Variants in RUSC1 observed in about 807,000 individuals in gnomAD.
RUSC1 encodes AP-4 complex accessory subunit RUSC1.
A neutral mutation model predicts 72.1 loss-of-function variants in RUSC1; 40 were observed. That is an observed-to-expected ratio of 0.55 (90% confidence interval 0.43 to 0.72). The LOEUF (loss-of-function observed/expected upper bound fraction) is 0.72. Among genes scored for constraint, RUSC1 ranks in the 30% least tolerant of loss-of-function variants. RUSC1 has a pLI of 0.00. For missense variants in RUSC1, 1,092 were observed against 1,172.3 expected (o/e 0.93, Z 1.00); for synonymous variants, 512 against 494.2 (o/e 1.04, Z -0.48).
intron 2 of RUSC1, chr1:155,324,491 C>G (rs1018952495): frequency 2.1e-5 from 34 of 1,606,370 alleles, no homozygotes; most frequent in Non-Finnish European, 2.8e-5. Flanking sequence ...CTACACCTCC[C>G]TCCCCGCGCC....
Position 155,324,895 on chromosome 1 carries a change from A to T in RUSC1, c.1408A>T (p.Met470Leu). Residue 470 changes from methionine (M) to leucine (L), a missense_variant, in exon 3 of 10, where the codon ATG (methionine) becomes TTG (leucine). By Grantham distance (15) the Met-to-Leu change is conservative. Coordinates refer to ENST00000368352, the MANE Select transcript of RUSC1 (RefSeq NM_001105203.2). ...TGTCCCCGGAGCCCAGCGGCTGTGG[A>T]TGGCAGAAGCCCAGAGTGGGACTGG... The part of the protein sequence containing the change: ...AGVPGAQRLW[M>L]AEAQSGTGQL... 1 of 1,614,178 alleles carries T rather than the reference A, an allele frequency of 6.2e-7. No individual in the cohort carries two copies. Among genetic ancestry groups the T allele is most frequent in the Non-Finnish European group, 8.5e-7 (1 of 1,180,020 alleles).
rs1651372832 is a variant in RUSC1 at position 155,326,091 on chromosome 1, C to CCTTGG, written c.1861+184_1861+188dup. On this transcript the variant is annotated intron_variant, in intron 7 of 9. Transcript: ENST00000368352. This position sits in a 1 kb window ranked among gnomAD's most constrained non-coding sequence, Gnocchi z 4.7. ...CGCCCATAGGATGAAAGACCCAAAG[C>CCTTGG]CTTGGCTGTCTGGCCTCTGCCCTCT... is the stretch of plus-strand genomic sequence containing the variant. 1 of 688,314 alleles carries CCTTGG rather than the reference C, an allele frequency of 1.5e-6. No homozygotes were observed. The highest frequency in any genetic ancestry group is 1.8e-5 in the African/African-American group (1 of 55,646). 42.6% of individuals were successfully genotyped at this position (688,314 alleles called of 1,614,324 possible). A position where few individuals can be genotyped will look rare whatever the true frequency, so the allele number is the denominator to read the frequency against.
chr1:155,322,739 G>T lies in RUSC1; in HGVS notation c.966G>T (p.Lys322Asn). ...TITSFHELAQ[K>N]RKRGPGLPLV... ...CGTCCTTCCACGAGCTGGCCCAGAA[G>T]CGCAAGCGGGGCCCAGGGCTGCCCC... is the stretch of plus-strand genomic sequence containing the variant. The change falls in exon 2 of 10, where the codon AAG becomes AAT. Residue 322 changes from lysine to asparagine, a missense_variant. Lys to Asn is a moderately conservative substitution (Grantham distance 94). Transcript: ENST00000368352. 1 of 1,614,192 alleles carries T rather than the reference G, an allele frequency of 6.2e-7. No individual in the cohort carries two copies. The highest frequency in any genetic ancestry group is 8.5e-7 in the Non-Finnish European group (1 of 1,180,012).
chr1:155,329,984 G>T lies in RUSC1; in HGVS notation c.2541-419G>T, dbSNP rs529422062. Among the ~76,000 whole-genome samples the T allele has an allele frequency of 2.5e-3, 382 of 151,042 alleles. 1 individual carries two copies. Among genetic ancestry groups the T allele is most frequent in the Non-Finnish European group, 4.0e-3 (271 of 67,724 alleles). ...AAAAAAAAAAAAAAAAAAGTAGATG[G>T]AGTAGTAGGAGATCCAAACACCAAA... is the stretch of plus-strand genomic sequence containing the variant. On this transcript the variant is annotated intron_variant, in intron 9 of 9. Transcript: ENST00000368352.
At position 155,322,163 on chromosome 1, in the gene RUSC1, G is replaced by A. The variant is rs763698737; in HGVS notation, c.390G>A (p.Glu130=). 10 of 1,600,844 alleles carry A rather than the reference G, an allele frequency of 6.2e-6. No homozygotes were observed. Among genetic ancestry groups the A allele is most frequent in the South Asian group, 3.3e-5 (3 of 89,770 alleles). Residue 130 remains glutamate (E), a synonymous_variant, in exon 2 of 10, where the codon GAG becomes GAA. Coordinates refer to ENST00000368352, the MANE Select transcript of RUSC1 (RefSeq NM_001105203.2). The stretch of plus-strand genomic sequence containing the variant: ...ACTTGCGGGACCTCCCTGGTGATGA[G>A]GATGCCCACCCTCAGCCCAGTATCA... ...SVYLRDLPGD[E]DAHPQPSIIP...
At position 155,325,381 on chromosome 1, in the gene RUSC1, G is replaced by A. The variant is rs1247028019; in HGVS notation, c.1599G>A (p.Pro533=). 3.8e-6 allele frequency: 6 copies of A among 1,594,544 alleles called. No individual in the cohort carries two copies. Among genetic ancestry groups the A allele is most frequent in the Non-Finnish European group, 5.1e-6 (6 of 1,174,648 alleles). ...VGHLVLTTLC[P]ALHALVADGL... ...ACCTGGTGCTGACCACCCTCTGCCCGGCCCTCCACGCCCTGGTGGCGGACG... is the reference window on the plus strand; with the variant it reads ...ACCTGGTGCTGACCACCCTCTGCCCAGCCCTCCACGCCCTGGTGGCGGACG... Residue 533 remains proline (P), a synonymous_variant, in exon 5 of 10, where the codon CCG becomes CCA. Transcript: ENST00000368352. This position sits in a 1 kb window ranked among gnomAD's most constrained non-coding sequence, Gnocchi z 6.5.
chr1:155,329,793 A>G (rs913098959), intron 9 of RUSC1, among the ~76,000 whole-genome samples: 24 of 151,876 alleles, frequency 1.6e-4, no homozygotes, highest in Admixed American at 3.9e-4. Flanking sequence ...CGTCTCTACT[A>G]AAAATACAAA....
Position 155,322,989 on chromosome 1 carries a change from G to A in RUSC1, c.1216G>A (p.Val406Ile), listed in dbSNP as rs1167360493. 8.2e-7 allele frequency: 1 copy of A among 1,226,598 alleles called. No individual in the cohort carries two copies. The allele number at this position is 1,226,598 out of a possible 1,614,324, so 76.0% of individuals were successfully genotyped here. A position where few individuals can be genotyped will look rare whatever the true frequency, so the allele number is the denominator to read the frequency against. The change falls in exon 2 of 10, where the codon GTC becomes ATC. Residue 406 changes from valine (V) to isoleucine (I), a missense_variant. Physicochemically the swap from Val to Ile is conservative, Grantham distance 29. Coordinates refer to ENST00000368352, the MANE Select transcript of RUSC1 (RefSeq NM_001105203.2). ...CCCGCCCCGGCCCCCACCCCCGCCT[G>A]TCCCTCCCCGAAGGAAGAAGAACCG... is the stretch of plus-strand genomic sequence containing the variant. ...LVPPRPPPPP[V>I]PPRRKKNRPG...
At position 155,325,426 on chromosome 1, in the gene RUSC1, G is replaced by C. The variant is rs867743333; in HGVS notation, c.1644G>C (p.Lys548Asn). Residue 548 changes from lysine (K) to asparagine (N), a missense_variant, in exon 5 of 10, where the codon AAG (lysine) becomes AAC (asparagine). Lys to Asn is a moderately conservative substitution (Grantham distance 94). Coordinates refer to ENST00000368352, the MANE Select transcript of RUSC1 (RefSeq NM_001105203.2). The surrounding 1 kb of genome is among the most constrained non-coding windows in gnomAD (Gnocchi z 6.5). Reference sequence around the variant, plus strand: ...CGGACGGGCTGAAGCCTTTCCGGAAGGACCTCATCACCGGGCAGCGCAGGA... The same window carrying C: ...CGGACGGGCTGAAGCCTTTCCGGAACGACCTCATCACCGGGCAGCGCAGGA... The part of the protein sequence containing the change: ...LVADGLKPFR[K>N]DLITGQRRSS... 1 of 1,592,646 alleles carries C rather than the reference G, an allele frequency of 6.3e-7. No homozygotes were observed.
intron 9 of RUSC1, among the ~76,000 whole-genome samples, chr1:155,330,025 G>A (rs1404475408): frequency 6.6e-6 from 1 of 151,788 alleles, no homozygotes; most frequent in Non-Finnish European, 1.5e-5. Context: ...TTTGGTGATG[G>A]ATTGGATGTA....
chr1:155,330,290 CCAGT>C, intron 9 of RUSC1, 109 bp from the exon 10 acceptor site: 1 of 1,028,578 alleles, frequency 9.7e-7, no homozygotes, highest in Non-Finnish European at 1.4e-6. Flanking sequence ...CTTCCAGAGC[CCAGT>C]CAATGTCCAC....
rs1650696151 is a variant in RUSC1 at position 155,322,603 on chromosome 1, G to C, written c.830G>C (p.Trp277Ser). Residue 277 changes from tryptophan (W) to serine (S), a missense_variant, in exon 2 of 10, where the codon TGG (tryptophan) becomes TCG (serine). By Grantham distance (177) the Trp-to-Ser change is radical. Coordinates refer to ENST00000368352, the MANE Select transcript of RUSC1 (RefSeq NM_001105203.2). ...KSEPEKFDSG[W>S]KTNTRITDSG... Reference sequence around the variant, plus strand: ...GAACCTGAAAAATTCGACTCTGGTTGGAAAACCAACACAAGAATAACTGAT... The same window carrying C: ...GAACCTGAAAAATTCGACTCTGGTTCGAAAACCAACACAAGAATAACTGAT... 1 of 1,614,240 alleles carries C rather than the reference G, an allele frequency of 6.2e-7. No homozygotes were observed. The highest frequency in any genetic ancestry group is 8.5e-7 in the Non-Finnish European group (1 of 1,180,048).
intron 1 of RUSC1, 93 bp downstream of exon 1, chr1:155,321,084 G>A (rs1199539625): frequency 7.1e-7 from 1 of 1,403,108 alleles, no homozygotes; most frequent in South Asian, 1.1e-5. Context: ...ATAGAGAAAG[G>A]GTGCGGTGGT....
chr1:155,326,305 G>A lies in RUSC1; in HGVS notation c.1862-275G>A, dbSNP rs1434514214. The A allele has an allele frequency of 1.4e-5, 8 of 556,048 alleles. No homozygotes were observed. Among genetic ancestry groups the A allele is most frequent in the Admixed American group, 1.3e-4 (4 of 31,324 alleles). The allele number at this position is 556,048 out of a possible 1,614,324, so 34.4% of individuals were successfully genotyped here. A position where few individuals can be genotyped will look rare whatever the true frequency, so the allele number is the denominator to read the frequency against. ...TAGGCCAACCCCCACGCCTCATTTT[G>A]TATGTGCTTCTATGGCTCTCCTGTC... On this transcript the variant is annotated intron_variant, in intron 7 of 9. Transcript: ENST00000368352. The surrounding 1 kb of genome is among the most constrained non-coding windows in gnomAD (Gnocchi z 4.7).
rs1384136494 is a variant in RUSC1, at chr1:155,327,074, A to G, written c.2356A>G (p.Arg786Gly). The change falls in exon 8 of 10, where the codon AGA becomes GGA. Residue 786 changes from arginine to glycine, a missense_variant. Arg to Gly is a moderately radical substitution (Grantham distance 125). Transcript: ENST00000368352. ...MAPGRGLWLG[R>G]LFGVPGGPAE... The stretch of plus-strand genomic sequence containing the variant: ...ACCAGGCAGGGGCCTCTGGTTGGGA[A>G]GACTATTTGGAGTGCCTGGGGGCCC... 7 of 1,613,182 alleles carry G rather than the reference A, an allele frequency of 4.3e-6. No individual in the cohort carries two copies. The Admixed American group carries it at 5.0e-5, about 12-fold the overall frequency.
At position 155,324,384 on chromosome 1, in the gene RUSC1, C is replaced by T. The variant is rs114620017; in HGVS notation, c.1358-461C>T. ...CCTCGGGTCTCGCCTCCCTCCGTCT[C>T]CTCCCTTTCCCCTGTCTGTCTTTCC... On this transcript the variant is annotated intron_variant, in intron 2 of 9. Transcript: ENST00000368352. The T allele has an allele frequency of 2.4e-3, 3,810 of 1,612,476 alleles. 78 individuals are homozygous for T. The African/African-American group carries it at 0.044, about 19-fold the overall frequency.
chr1:155,329,446 G>T (rs1445796620), intron 9 of RUSC1, among the ~76,000 whole-genome samples: 1 of 141,332 alleles, frequency 7.1e-6, no homozygotes, highest in Non-Finnish European at 1.5e-5. Context: ...AGGCTGGAGT[G>T]CAATGGCATG....
chr1:155,324,987 C>T, intron 3 of RUSC1, 44 bp downstream of exon 3: 2 of 1,613,716 alleles, frequency 1.2e-6, no homozygotes, highest in Non-Finnish European at 1.7e-6. Context: ...GAATAAACTG[C>T]CCTTCGCCCC....
rs1360287271 is a variant in RUSC1 at position 155,326,626 on chromosome 1, C to T, written c.1908C>T (p.Ala636=). Residue 636 remains alanine (A), a synonymous_variant, in exon 8 of 10, where the codon GCC becomes GCT. Coordinates refer to ENST00000368352, the MANE Select transcript of RUSC1 (RefSeq NM_001105203.2). The surrounding 1 kb of genome is among the most constrained non-coding windows in gnomAD (Gnocchi z 4.7). The part of the protein sequence containing the change: ...LYLPTGFFSL[A]RGGCPSLSTE... ...TGCCAACAGGATTTTTCTCCCTGGC[C>T]CGCGGTGGTTGTCCCTCCCTGTCCA... is the stretch of plus-strand genomic sequence containing the variant. 6.2e-7 allele frequency: 1 copy of T among 1,613,930 alleles called. No individual in the cohort carries two copies. The highest frequency in any genetic ancestry group is 2.2e-5 in the East Asian group (1 of 44,888).
Sources: allele counts gnomAD v4.1 joint callset (sites outside exome capture counted in the v4.1 genomes callset), GRCh38; gene constraint gnomAD v4.1.1; non-coding constraint Gnocchi (gnomAD v3.1); transcripts MANE v1.5; gene names NCBI Gene and HGNC (gene_info 2026-07-23, HGNC 2026-07-21).